TMEM232: variants seen among roughly 807,000 people sequenced by gnomAD.
TMEM232 encodes the protein transmembrane protein 232.
In TMEM232, 80 loss-of-function variants were observed where a neutral mutation model predicts 78.8. The observed-to-expected ratio is 1.01, with a 90% CI of 0.85 to 1.22. The LOEUF (loss-of-function observed/expected upper bound fraction) is 1.22. Among genes scored for constraint, TMEM232 ranks in the 50% most tolerant of loss-of-function variants. The probability of loss-of-function intolerance (pLI) is 0.00; values close to 1 mark genes in which losing one functional copy is unlikely to be tolerated. For missense variants in TMEM232, 881 were observed against 742.2 expected, an observed-to-expected ratio of 1.19 and a Z score of -2.17; for synonymous variants, 297 against 254.3, an observed-to-expected ratio of 1.17 and a Z score of -1.60.
chr5:110,390,063 A>G (rs1217158324), intron 4 of TMEM232, among the ~76,000 whole-genome samples: 1 of 152,194 alleles, frequency 6.6e-6, no homozygotes, highest in Non-Finnish European at 1.5e-5. Context: ...ACTTTGGGGT[A>G]TACCAGGAAA....
At chr5:110,469,626 C>A (rs915817798) in intron 12 of TMEM232, among the ~76,000 whole-genome samples, 7 of 152,186 alleles carry the variant, frequency 4.6e-5, no homozygotes, top group Non-Finnish European at 8.8e-5. Flanking sequence ...CTCCTAGTTG[C>A]TGCTGCACCC....
intron 13 of TMEM232, among the ~76,000 whole-genome samples, chr5:110,421,608 A>C (rs1756656257): frequency 6.6e-6 from 1 of 152,160 alleles, no homozygotes; most frequent in Non-Finnish European, 1.5e-5. Context: ...CAGCTCATGC[A>C]TATACACAAA....
chr5:110,726,176 C>A (rs1250603680), intron 1 of TMEM232, among the ~76,000 whole-genome samples: 9 of 151,380 alleles, frequency 5.9e-5, no homozygotes, highest in Admixed American at 5.9e-4. Context: ...TTTTGAAGTC[C>A]AAGAGTCTTC....
intron 1 of TMEM232, among the ~76,000 whole-genome samples, chr5:110,708,903 A>C (rs2150305849): frequency 6.6e-6 from 1 of 152,268 alleles, no homozygotes; most frequent in South Asian, 2.1e-4. Context: ...TTGAATGTAA[A>C]TGGGGTGAAC....
intron 11 of TMEM232, among the ~76,000 whole-genome samples, chr5:110,553,501 T>G (rs1256883590): frequency 6.6e-6 from 1 of 152,172 alleles, no homozygotes; most frequent in East Asian, 1.9e-4. Flanking sequence ...TGAATGGTAT[T>G]GCATCCTCAT....
chr5:110,466,376 C>T (rs1031996470), intron 12 of TMEM232, among the ~76,000 whole-genome samples: 6 of 152,014 alleles, frequency 3.9e-5, no homozygotes, highest in Admixed American at 2.6e-4. Context: ...TAAAAGTTTG[C>T]ATATTTGGCA....
intron 4 of TMEM232, among the ~76,000 whole-genome samples, chr5:110,639,187 TG>T: frequency 6.6e-6 from 1 of 152,236 alleles, no homozygotes; most frequent in Admixed American, 6.5e-5. Context: ...GGCCATGATA[TG>T]GAGTTACACT....
In TMEM232 at chr5:110,393,715, G is replaced by C. The variant is rs1249247552; in HGVS notation, n.391-3075C>G. On this transcript the variant is annotated intron_variant and non_coding_transcript_variant, in intron 3 of 8. Coordinates refer to the TMEM232 transcript ENST00000507188. ...CTGATGACTGTAATCCTAGCATTTT[G>C]AGAGGCCGTGGTGGGTGGATCACCT... 2.0e-5 allele frequency among the ~76,000 whole-genome samples: 3 copies of C among 152,152 alleles called. No individual in the cohort carries two copies. The East Asian group carries it at 5.8e-4, about 29-fold the overall frequency.
chr5:110,610,749 A>T, intron 8 of TMEM232: 1 of 283,106 alleles, frequency 3.5e-6, no homozygotes, highest in South Asian at 3.2e-5. Context: ...AGGAAACAAC[A>T]TAGCAACATT....
chr5:110,664,804 T>C (rs1790331110), intron 2 of TMEM232, among the ~76,000 whole-genome samples: 1 of 152,194 alleles, frequency 6.6e-6, no homozygotes, highest in African/African-American at 2.4e-5. Context: ...AATCTCATAA[T>C]GAGAGCTCCA....
chr5:110,696,789 G>A (rs1024982594), intron 1 of TMEM232, among the ~76,000 whole-genome samples: 1 of 14,828 alleles, frequency 6.7e-5, no homozygotes, highest in African/African-American at 7.9e-5. Flanking sequence ...ACTGCTCAAT[G>A]AAATAAGAGG....
intron 2 of TMEM232, among the ~76,000 whole-genome samples, chr5:110,662,145 A>G (rs1228472830): frequency 6.6e-6 from 1 of 152,166 alleles, no homozygotes; most frequent in African/African-American, 2.4e-5. Context: ...TTGTGTATGT[A>G]AAATCAATAT....
chr5:110,692,548 T>C (rs1295764923), intron 1 of TMEM232, among the ~76,000 whole-genome samples: 5 of 152,190 alleles, frequency 3.3e-5, no homozygotes, highest in African/African-American at 4.8e-5. Context: ...TTCCCTTTCC[T>C]AGGCAAAGAA....
intron 10 of TMEM232, among the ~76,000 whole-genome samples, chr5:110,589,721 C>A (rs1381367727): frequency 6.6e-6 from 1 of 152,066 alleles, no homozygotes; most frequent in African/African-American, 2.4e-5. Context: ...TGATGCATGT[C>A]AAGTGCCTAG....
chr5:110,484,931 A>G (rs1469659407), intron 12 of TMEM232, among the ~76,000 whole-genome samples: 3 of 152,144 alleles, frequency 2.0e-5, no homozygotes, highest in African/African-American at 7.2e-5. Flanking sequence ...CCACAATGTG[A>G]TACCATCTTA....
upstream of TMEM232, among the ~76,000 whole-genome samples, chr5:110,730,723 C>A (rs533184009): frequency 6.6e-6 from 1 of 152,102 alleles, no homozygotes; most frequent in East Asian, 1.9e-4. Flanking sequence ...GAAAGACTGG[C>A]CCCCATGATT....
intron 11 of TMEM232, among the ~76,000 whole-genome samples, chr5:110,533,667 TC>T (rs1771890395): frequency 1.3e-5 from 2 of 152,198 alleles, no homozygotes; most frequent in Non-Finnish European, 2.9e-5. Context: ...TTACCATTGT[TC>T]CTGGCCCGGA....
Position 110,484,160 on chromosome 5 carries a change from G to T in TMEM232, c.1703+44428C>A, listed in dbSNP as rs944128841. Among the ~76,000 whole-genome samples the T allele has an allele frequency of 2.6e-5, 4 of 151,916 alleles. No individual in the cohort carries two copies. In the East Asian group the frequency reaches 7.7e-4, roughly 29 times the overall value. On this transcript the variant is annotated intron_variant, in intron 12 of 13. Coordinates refer to ENST00000455884, the MANE Select transcript of TMEM232 (RefSeq NM_001039763.4). ...AAAACAATAGATACTGGAGATTACTGGGGGGAAGGGGACTGAGTGTTGAAA... is the reference window on the plus strand; with the variant it reads ...AAAACAATAGATACTGGAGATTACTTGGGGGAAGGGGACTGAGTGTTGAAA...
intron 2 of TMEM232, among the ~76,000 whole-genome samples, chr5:110,403,851 A>T (rs1041538090): frequency 6.6e-6 from 1 of 151,906 alleles, no homozygotes; most frequent in Non-Finnish European, 1.5e-5. Context: ...GAGCAATGTG[A>T]GGAGTGAAGG....
Sources: gnomAD v4.1 joint callset for allele counts (sites outside exome capture counted in the v4.1 genomes callset) on GRCh38, gnomAD v4.1.1 for gene constraint, MANE v1.5 for transcripts, NCBI Gene and HGNC (gene_info 2026-07-23, HGNC 2026-07-21) for gene names.